The following EVA1C variants were observed in gnomAD, a reference collection of about 807,000 sequenced individuals.
EVA1C encodes eva-1 homolog C, also known as protein eva-1 homolog C.
A neutral mutation model predicts 45.4 loss-of-function variants in EVA1C; 25 were observed. That is an observed-to-expected ratio of 0.55 (90% CI 0.40 to 0.77). The LOEUF (loss-of-function observed/expected upper bound fraction) is 0.77. Ranked by LOEUF, EVA1C falls within the 30% of genes least tolerant of loss-of-function variation. The probability of loss-of-function intolerance (pLI) is 0.00; values close to 1 mark genes in which losing one functional copy is unlikely to be tolerated. For missense variants in EVA1C, 479 were observed against 554.8 expected, an observed-to-expected ratio of 0.86 and a Z score of 1.37; for synonymous variants, 190 against 221.2, an observed-to-expected ratio of 0.86 and a Z score of 1.25.
At chr21:32,467,138 G>A (rs1392223426) in intron 3 of EVA1C, among the ~76,000 whole-genome samples, 2 of 151,892 alleles carry the variant, frequency 1.3e-5, no homozygotes, top group Non-Finnish European at 1.5e-5. Context: ...GGGTAACAGA[G>A]TGAAACCCTG....
At chr21:32,476,367 C>T (rs1439572849) in intron 4 of EVA1C, among the ~76,000 whole-genome samples, 2 of 151,988 alleles carry the variant, frequency 1.3e-5, no homozygotes, top group Admixed American at 6.6e-5. Context: ...AGGGGCCGGG[C>T]GTGGTGGCTC....
chr21:32,511,460 A>G (rs2146476006), intron 7 of EVA1C, among the ~76,000 whole-genome samples: 1 of 151,598 alleles, frequency 6.6e-6, no homozygotes, highest in South Asian at 2.1e-4. Context: ...GAAAGAAAAG[A>G]AAAAAGAAAA....
At chr21:32,468,009 CGTGT>C (rs1555863880) in intron 4 of EVA1C, 161 bp downstream of exon 4, 10 of 368,560 alleles carry the variant, frequency 2.7e-5, no homozygotes, top group Non-Finnish European at 4.1e-5. Flanking sequence ...AATAAACTCC[CGTGT>C]GTGTGTGTAT....
intron 5 of EVA1C, 53 bp from the exon 6 acceptor site, chr21:32,501,362 C>A: frequency 6.8e-7 from 1 of 1,475,080 alleles, no homozygotes; most frequent in Non-Finnish European, 9.2e-7. Flanking sequence ...TATTAAGAGT[C>A]CACATTTTAA....
At chr21:32,492,118 T>C (rs1375942731) in intron 4 of EVA1C, among the ~76,000 whole-genome samples, 2 of 152,120 alleles carry the variant, frequency 1.3e-5, no homozygotes, top group Non-Finnish European at 2.9e-5. Flanking sequence ...GAGCTTACTC[T>C]GGGTGGGCAG....
chr21:32,490,498 A>C (rs1027885776), intron 4 of EVA1C, among the ~76,000 whole-genome samples: 3 of 152,130 alleles, frequency 2.0e-5, no homozygotes, highest in South Asian at 4.1e-4. Flanking sequence ...GGCAAAGGGG[A>C]GAGAACCATT....
chr21:32,415,974 T>C (rs963314160), intron 1 of EVA1C, among the ~76,000 whole-genome samples: 10 of 152,192 alleles, frequency 6.6e-5, no homozygotes, highest in Non-Finnish European at 2.9e-5. Flanking sequence ...AAATTCATCA[T>C]TGACTTAAAA....
intron 4 of EVA1C, among the ~76,000 whole-genome samples, chr21:32,491,941 C>T (rs947266980): frequency 3.9e-5 from 6 of 152,116 alleles, no homozygotes; most frequent in East Asian, 1.9e-4. Context: ...ATCCTGGCCT[C>T]GGCTCTCAGT....
intron 7 of EVA1C, among the ~76,000 whole-genome samples, chr21:32,512,650 T>C (rs2146480300): frequency 6.6e-6 from 1 of 152,290 alleles, no homozygotes; most frequent in South Asian, 2.1e-4. Context: ...GATCTGTCCC[T>C]GGCCTGACCA....
chr21:32,413,176 C>A (rs2033898049), intron 1 of EVA1C, among the ~76,000 whole-genome samples, 163 bp downstream of exon 1: 7 of 152,136 alleles, frequency 4.6e-5, no homozygotes, highest in Admixed American at 3.9e-4. Flanking sequence ...TAGATGGCTG[C>A]GAGTGAAGTG....
chr21:32,508,737 A>G (rs1601072977), intron 7 of EVA1C, among the ~76,000 whole-genome samples: 1 of 151,904 alleles, frequency 6.6e-6, no homozygotes. Context: ...GGGCCCCAAC[A>G]GGGGGAACGC....
chr21:32,482,851 T>TC (rs1432072076), intron 4 of EVA1C, among the ~76,000 whole-genome samples: 11 of 9,720 alleles, frequency 1.1e-3, no homozygotes, highest in African/African-American at 3.5e-3. Flanking sequence ...CCAGTGTTAT[T>TC]CCCTTTTTTT....
chr21:32,485,758 T>C (rs1056161694), intron 4 of EVA1C, among the ~76,000 whole-genome samples: 6 of 152,240 alleles, frequency 3.9e-5, no homozygotes, highest in African/African-American at 1.2e-4. Flanking sequence ...GGATTGAGGT[T>C]CTAGGGCACA....
At chr21:32,502,448 G>T (rs1243470045) in intron 6 of EVA1C, among the ~76,000 whole-genome samples, 2 of 152,020 alleles carry the variant, frequency 1.3e-5, no homozygotes, top group African/African-American at 4.8e-5. Context: ...GGGGTAGGGA[G>T]TTGAGGGGGT....
chr21:32,412,849 G>C lies in EVA1C; in HGVS notation c.-5G>C, dbSNP rs1221371697. On this transcript the variant is annotated 5_prime_UTR_variant, in exon 1 of 8. Transcript: ENST00000300255. ...CTGCGCCTCCGCCCCGCCGCGCAGC[G>C]CACGATGCTTCTGCCGGGACGCGCA... The C allele has an allele frequency of 2.0e-6, 3 of 1,472,882 alleles. No individual in the cohort carries two copies. Among genetic ancestry groups the C allele is most frequent in the African/African-American group, 2.9e-5 (2 of 68,002 alleles). 91.2% of individuals were successfully genotyped at this position (1,472,882 alleles called of 1,614,324 possible).
intron 6 of EVA1C, 70 bp from the exon 7 acceptor site, chr21:32,503,856 C>T (rs1343925140): frequency 9.8e-7 from 1 of 1,021,730 alleles, no homozygotes; most frequent in East Asian, 2.6e-5. Context: ...GTAGGAGCAG[C>T]AGGGGTGTCT....
chr21:32,514,052 G>A (rs1183858164), intron 7 of EVA1C, among the ~76,000 whole-genome samples: 1 of 152,068 alleles, frequency 6.6e-6, no homozygotes, highest in Non-Finnish European at 1.5e-5. Context: ...GCTATTACAA[G>A]TAATCTAGAA....
chr21:32,455,073 A>G (rs1219365748), intron 2 of EVA1C, among the ~76,000 whole-genome samples: 1 of 152,216 alleles, frequency 6.6e-6, no homozygotes, highest in East Asian at 1.9e-4. Context: ...TGGGTAATTC[A>G]TAAGGACCTG....
At chr21:32,479,761 G>A (rs2036709569) in intron 4 of EVA1C, among the ~76,000 whole-genome samples, 2 of 151,448 alleles carry the variant, frequency 1.3e-5, no homozygotes, top group Non-Finnish European at 1.5e-5. Flanking sequence ...GACCAGCCTG[G>A]GCAACATAGT....
Sources: allele counts gnomAD v4.1 joint callset (sites outside exome capture counted in the v4.1 genomes callset), GRCh38; gene constraint gnomAD v4.1.1; transcripts MANE v1.5; gene names NCBI Gene and HGNC (gene_info 2026-07-23, HGNC 2026-07-21).